The following TEX10 variants were observed in gnomAD, a reference collection of about 807,000 sequenced individuals.
TEX10 encodes the protein testis-expressed protein 10.
In TEX10, 24 loss-of-function variants were observed where a neutral mutation model predicts 104.4. The observed-to-expected ratio is 0.23, with a 90% CI of 0.17 to 0.32. The LOEUF (loss-of-function observed/expected upper bound fraction) is 0.32. TEX10 is among the 10% of genes least tolerant of loss of function. TEX10 has a pLI of 1.00. For synonymous variants in TEX10, 396 were observed against 393.4 expected (o/e 1.01, Z -0.08); for missense variants, 921 against 1,083.9 (o/e 0.85, Z 2.11).
chr9:100,302,332 G>C, intron 14 of TEX10, 28 bp from the exon 15 acceptor site: 1 of 1,515,738 alleles, frequency 6.6e-7, no homozygotes, highest in Middle Eastern at 1.7e-4. Context: ...AGTAATCTGA[G>C]AACTGCACCC....
Position 100,302,195 on chromosome 9 carries a change from TAC to T in TEX10, c.2784_2785del (p.Tyr929LeufsTer5). 6.3e-7 allele frequency: 1 copy of T among 1,593,826 alleles called. No individual in the cohort carries two copies. Among genetic ancestry groups the T allele is most frequent in the Non-Finnish European group, 8.6e-7 (1 of 1,167,420 alleles). On this transcript the variant is annotated frameshift_variant, in exon 15 of 15. Coordinates refer to ENST00000374902, the MANE Select transcript of TEX10 (RefSeq NM_017746.4). LOFTEE classifies it high-confidence loss of function. ...ACAGGAGGTACTATGGCCTCTTCAA[TAC>T]ACTGTAGCCAGTGCACTGGGCCCTT...
At chr9:100,311,484 T>C (rs10989051) in intron 11 of TEX10, among the ~76,000 whole-genome samples, 20,135 of 152,180 alleles carry the variant, frequency 0.13, 1,389 homozygotes, top group Non-Finnish European at 0.15. Context: ...AGTGAGGGCA[T>C]ACTGTATTTC....
chr9:100,315,970 T>C (rs1410668380), intron 11 of TEX10, among the ~76,000 whole-genome samples: 1 of 152,268 alleles, frequency 6.6e-6, no homozygotes, highest in Non-Finnish European at 1.5e-5. Context: ...AAAGTTTTCA[T>C]CAATTACTTT....
At chr9:100,315,571 T>C (rs530153419) in intron 11 of TEX10, among the ~76,000 whole-genome samples, 34 of 152,340 alleles carry the variant, frequency 2.2e-4, no homozygotes, top group African/African-American at 7.5e-4. Context: ...TGAAGTCTGT[T>C]TTACCTGTAA....
chr9:100,302,353 G>A (rs774732540), intron 14 of TEX10, 49 bp from the exon 15 acceptor site: 2 of 1,318,298 alleles, frequency 1.5e-6, no homozygotes, highest in Admixed American at 3.5e-5. Context: ...AAATCACTAT[G>A]CTACCTGACA....
In TEX10 at chr9:100,329,127, A is replaced by T; in HGVS notation, c.1625+13T>A. 1 of 1,577,982 alleles carries T rather than the reference A, an allele frequency of 6.3e-7. No homozygotes were observed. The highest frequency in any genetic ancestry group is 8.5e-7 in the Non-Finnish European group (1 of 1,171,380). On this transcript the variant is annotated intron_variant, in intron 7 of 14. Transcript: ENST00000374902. The stretch of plus-strand genomic sequence containing the variant: ...GCAAGAGAAAAAAGAAAGGAAAAAT[A>T]ACAAGATTTTACCTGAATCTACAAG...
chr9:100,306,934 TAAC>T (rs1449653563), intron 13 of TEX10: 1 of 152,140 alleles, frequency 6.6e-6, no homozygotes, highest in African/African-American at 2.4e-5. Flanking sequence ...TGACAGGAAA[TAAC>T]AAATAGCAAT....
chr9:100,346,717 A>C lies in TEX10; in HGVS notation c.870T>G (p.Asn290Lys). The change falls in exon 3 of 15, where the codon AAT (asparagine) becomes AAG (lysine). Residue 290 changes from asparagine to lysine, a missense_variant. Coordinates refer to ENST00000374902, the MANE Select transcript of TEX10 (RefSeq NM_017746.4). ...ACCGTAGCCTGAACTGTGAACTGAC[A>C]TTTGGCTGTGAACCCCCATTTTCAT... ...QVYENGGSQPNVSSQFRLRYL... is the reference protein window; with the variant it reads ...QVYENGGSQPKVSSQFRLRYL... 6.2e-7 allele frequency: 1 copy of C among 1,613,322 alleles called. No homozygotes were observed. The highest frequency in any genetic ancestry group is 8.5e-7 in the Non-Finnish European group (1 of 1,179,554).
At chr9:100,312,213 T>TCCCCTTGCTGCCC (rs1434867109) in intron 11 of TEX10, among the ~76,000 whole-genome samples, 1 of 152,176 alleles carries the variant, frequency 6.6e-6, no homozygotes, top group Admixed American at 6.5e-5. Context: ...CCCTTCTGCC[T>TCCCCTTGCTGCCC]CCCCTTGCTG....
chr9:100,348,913 AT>A (rs367646197), intron 2 of TEX10, among the ~76,000 whole-genome samples: 4 of 152,018 alleles, frequency 2.6e-5, no homozygotes, highest in Admixed American at 6.5e-5. Context: ...CTGTCTCAAA[AT>A]AAATAAATAA....
Position 100,340,280 on chromosome 9 carries a change from G to T in TEX10, c.1227C>A (p.His409Gln). The T allele has an allele frequency of 6.4e-7, 1 of 1,570,206 alleles. No individual in the cohort carries two copies. The highest frequency in any genetic ancestry group is 8.6e-7 in the Non-Finnish European group (1 of 1,164,490). The change falls in exon 5 of 15, where the codon CAC becomes CAA. Residue 409 changes from histidine to glutamine, a missense_variant. By Grantham distance (24) the His-to-Gln change is conservative. Coordinates refer to ENST00000374902, the MANE Select transcript of TEX10 (RefSeq NM_017746.4). ...FPYVLKEITK[H>Q]KRKEPNKSIK... is the part of the protein sequence containing the mutation. ...ACCTTTTATTTGGCTCTTTCCTTTT[G>T]TGCTTGGTTATTTCTTTTAAGACAT...
intron 7 of TEX10, among the ~76,000 whole-genome samples, chr9:100,328,668 C>G (rs775170408): frequency 6.6e-6 from 1 of 152,220 alleles, no homozygotes; most frequent in Non-Finnish European, 1.5e-5. Context: ...ACATTTCTGA[C>G]TATGCCAAAT....
chr9:100,325,194 T>C (rs1374654363), intron 9 of TEX10, among the ~76,000 whole-genome samples: 1 of 152,018 alleles, frequency 6.6e-6, no homozygotes, highest in African/African-American at 2.4e-5. Context: ...AGATAGGGGA[T>C]CTATACAAGA....
At chr9:100,337,322 A>C (rs1835035258) in intron 5 of TEX10, among the ~76,000 whole-genome samples, 1 of 152,236 alleles carries the variant, frequency 6.6e-6, no homozygotes, top group Non-Finnish European at 1.5e-5. Context: ...ACATTTTTCA[A>C]TAATTTATTT....
In TEX10 at chr9:100,308,671, G is replaced by A; in HGVS notation, c.2294C>T (p.Thr765Ile). Residue 765 changes from threonine to isoleucine, a missense_variant, in exon 13 of 15, where the codon ACT becomes ATT. Thr to Ile is a moderately conservative substitution (Grantham distance 89). Transcript: ENST00000374902. ...GCCAGCCGTGCTGTCAGGAATTACA[G>A]TCAACCCAACCTAAGCAGAGAAAAA... ...SAISKHLVGL[T>I]VIPDSTAGCV... The A allele has an allele frequency of 6.2e-7, 1 of 1,603,128 alleles. No homozygotes were observed. The highest frequency in any genetic ancestry group is 8.5e-7 in the Non-Finnish European group (1 of 1,175,730).
intron 11 of TEX10, among the ~76,000 whole-genome samples, chr9:100,316,911 A>AC (rs1834434749): frequency 8.7e-6 from 1 of 114,330 alleles, no homozygotes; most frequent in Admixed American, 8.4e-5. Flanking sequence ...AAAAAAAAAA[A>AC]AAAAACCTAG....
intron 10 of TEX10, 38 bp downstream of exon 10, chr9:100,321,645 G>T (rs1236618144): frequency 6.6e-7 from 1 of 1,526,058 alleles, no homozygotes; most frequent in Admixed American, 1.7e-5. Context: ...TTCATATTAG[G>T]TTTTTTCTTT....
intron 1 of TEX10, among the ~76,000 whole-genome samples, chr9:100,350,779 G>A (rs1014332453): frequency 3.3e-5 from 5 of 152,174 alleles, no homozygotes; most frequent in Non-Finnish European, 5.9e-5. Flanking sequence ...GAATTCAGAA[G>A]CCAATCAGCT....
chr9:100,346,856 C>G lies in TEX10; in HGVS notation c.731G>C (p.Arg244Thr). The change falls in exon 3 of 15, where the codon AGG (arginine) becomes ACG (threonine). Residue 244 changes from arginine (R) to threonine (T), a missense_variant. By Grantham distance (71) the Arg-to-Thr change is moderately conservative. Coordinates refer to ENST00000374902, the MANE Select transcript of TEX10 (RefSeq NM_017746.4). Reference sequence around the variant, plus strand: ...CTGAAGTCCTTCACTTTCTCTCAACCTACTGGATCCATCTGCCAAGGCCTG... The same window carrying G: ...CTGAAGTCCTTCACTTTCTCTCAACGTACTGGATCCATCTGCCAAGGCCTG... ...FLQALADGSSRLRESEGLQEQ... is the reference protein window; with the variant it reads ...FLQALADGSSTLRESEGLQEQ... 1 of 1,614,150 alleles carries G rather than the reference C, an allele frequency of 6.2e-7. No individual in the cohort carries two copies. Among genetic ancestry groups the G allele is most frequent in the Non-Finnish European group, 8.5e-7 (1 of 1,180,006 alleles).
Sources: allele counts gnomAD v4.1 joint callset (sites outside exome capture counted in the v4.1 genomes callset), GRCh38; gene constraint gnomAD v4.1.1; transcripts MANE v1.5; gene names NCBI Gene and HGNC (gene_info 2026-07-23, HGNC 2026-07-21).